AP2B1: variants seen among roughly 807,000 people sequenced by gnomAD.
The protein encoded by AP2B1 is AP-2 complex subunit beta.
In AP2B1, 23 loss-of-function variants were observed where a neutral mutation model predicts 102.0. The ratio of observed to expected loss-of-function variants is 0.23; its 90% CI spans 0.16 to 0.32. The LOEUF is 0.32. Among genes scored for constraint, AP2B1 ranks in the 10% least tolerant of loss-of-function variants. AP2B1 has a pLI of 1.00. For missense variants in AP2B1, 541 were observed against 1,157.4 expected, an observed-to-expected ratio of 0.47 and a Z score of 7.73; for synonymous variants, 381 against 421.2, an observed-to-expected ratio of 0.90 and a Z score of 1.17.
At chr17:35,610,348 A>G (rs2073821285) in intron 5 of AP2B1, among the ~76,000 whole-genome samples, 1 of 151,756 alleles carries the variant, frequency 6.6e-6, no homozygotes, top group Non-Finnish European at 1.5e-5. Flanking sequence ...ACGTTGCACC[A>G]TGTTGGCCAG....
chr17:35,689,887 C>T (rs1046921365), intron 18 of AP2B1, among the ~76,000 whole-genome samples: 1 of 152,054 alleles, frequency 6.6e-6, no homozygotes, highest in African/African-American at 2.4e-5. Flanking sequence ...TTTCTTTTAC[C>T]TTTGGTTTTC....
At chr17:35,640,649 G>T (rs1267659365) in intron 11 of AP2B1, among the ~76,000 whole-genome samples, 2 of 152,160 alleles carry the variant, frequency 1.3e-5, no homozygotes, top group African/African-American at 4.8e-5. Context: ...ATGTTGCTGG[G>T]CTTCACCCTG....
intron 17 of AP2B1, among the ~76,000 whole-genome samples, chr17:35,675,962 GGAT>G (rs777086699): frequency 2.6e-5 from 4 of 152,088 alleles, no homozygotes; most frequent in African/African-American, 4.8e-5. Context: ...CATTGCAATT[GGAT>G]GATAAGTGCC....
At position 35,624,382 on chromosome 17, in the gene AP2B1, C is replaced by A. The variant is rs200199804; in HGVS notation, c.526-15C>A. 6.2e-7 allele frequency: 1 copy of A among 1,613,104 alleles called. No homozygotes were observed. On this transcript the variant is annotated splice_polypyrimidine_tract_variant and intron_variant, in intron 5 of 21. Coordinates refer to ENST00000610402, the MANE Select transcript of AP2B1 (RefSeq NM_001030006.2). ...TGTTCTTGGTGAATCAAGGTCATAC[C>A]CCCTTCTTTTCCAGGTGGTGGCTAA...
Position 35,679,422 on chromosome 17 carries a change from G to T in AP2B1, c.2325-3273G>T, listed in dbSNP as rs587746110. Among the ~76,000 whole-genome samples, 25 of 148,396 alleles carry T rather than the reference G, an allele frequency of 1.7e-4. No homozygotes were observed. In the South Asian group the frequency reaches 5.3e-3, roughly 31 times the overall value. On this transcript the variant is annotated intron_variant, in intron 17 of 21. Coordinates refer to ENST00000610402, the MANE Select transcript of AP2B1 (RefSeq NM_001030006.2). ...TTTTTTTTTCCAGCCTTATTCATAT[G>T]CTGCTCCTGTTTGATCTTGGTCTAC...
At chr17:35,648,743 A>AGTGT (rs10668040) in intron 12 of AP2B1, among the ~76,000 whole-genome samples, 22,634 of 148,514 alleles carry the variant, frequency 0.15, 1,784 homozygotes, top group Non-Finnish European at 0.19. Context: ...ATATGAAATA[A>AGTGT]GTGTGTGTGT....
chr17:35,690,980 A>G (rs1051690641), intron 18 of AP2B1, among the ~76,000 whole-genome samples: 12 of 152,126 alleles, frequency 7.9e-5, no homozygotes, highest in African/African-American at 1.7e-4. Flanking sequence ...ACCCTTTCCC[A>G]TATATAGTTT....
At position 35,587,431 on chromosome 17, in the gene AP2B1, G is replaced by C. The variant is rs955891171; in HGVS notation, c.-24+3G>C. 6 of 153,068 alleles carry C rather than the reference G, an allele frequency of 3.9e-5. No individual in the cohort carries two copies. The highest frequency in any genetic ancestry group is 1.4e-4 in the African/African-American group (6 of 41,480). 9.5% of individuals were successfully genotyped at this position (153,068 alleles called of 1,614,324 possible). A position where few individuals can be genotyped will look rare whatever the true frequency, so the allele number is the denominator to read the frequency against. On this transcript the variant is annotated splice_donor_region_variant and intron_variant, in intron 1 of 21. Transcript: ENST00000610402. ...CCTCGCCTTCGCCTCCGCCTCCGGTGAGTTCAGGGCGGTTGCCTTTAGGGT... is the reference window on the plus strand; with the variant it reads ...CCTCGCCTTCGCCTCCGCCTCCGGTCAGTTCAGGGCGGTTGCCTTTAGGGT...
chr17:35,694,539 G>A (rs1014527345), intron 18 of AP2B1, among the ~76,000 whole-genome samples: 2 of 151,710 alleles, frequency 1.3e-5, no homozygotes, highest in Non-Finnish European at 2.9e-5. Flanking sequence ...GGGATTACAG[G>A]CATGAGCCAC....
intron 13 of AP2B1, among the ~76,000 whole-genome samples, chr17:35,657,087 A>G (rs2075248236): frequency 6.6e-6 from 1 of 152,176 alleles, no homozygotes; most frequent in East Asian, 1.9e-4. Context: ...GTAGTTCCTC[A>G]TAAAACCATT....
Position 35,700,331 on chromosome 17 carries a change from C to G in AP2B1, c.2455-8893C>G, listed in dbSNP as rs116758600. 5.0e-3 allele frequency among the ~76,000 whole-genome samples: 763 copies of G among 152,032 alleles called. 8 individuals are homozygous for G. The highest frequency in any genetic ancestry group is 0.018 in the African/African-American group (729 of 41,472). ...AGGTTGTGTGGTACTTAAAACACAT[C>G]TGAATCATCATTCCTCAGAGAACTG... On this transcript the variant is annotated intron_variant, in intron 18 of 21. Coordinates refer to ENST00000610402, the MANE Select transcript of AP2B1 (RefSeq NM_001030006.2).
chr17:35,649,993 A>T (rs778497775), intron 12 of AP2B1, among the ~76,000 whole-genome samples: 1 of 152,120 alleles, frequency 6.6e-6, no homozygotes, highest in African/African-American at 2.4e-5. Flanking sequence ...TCTGTTGCCC[A>T]GGCTGGAGTG....
chr17:35,659,732 T>G, intron 14 of AP2B1: 1 of 874,322 alleles, frequency 1.1e-6, no homozygotes, highest in African/African-American at 1.8e-5. Context: ...TTCCTGACTT[T>G]GGGATCTAAA....
Position 35,594,093 on chromosome 17 carries a change from T to A in AP2B1, c.37+26T>A. 5 of 1,538,310 alleles carry A rather than the reference T, an allele frequency of 3.3e-6. No individual in the cohort carries two copies. In the South Asian group the frequency reaches 4.8e-5, roughly 15 times the overall value. On this transcript the variant is annotated intron_variant, in intron 2 of 21. Coordinates refer to ENST00000610402, the MANE Select transcript of AP2B1 (RefSeq NM_001030006.2). ...GTAAGTATGAGAATACAATCAAATC[T>A]TTTGAAATTTTCAAAAGTTGTAGTG...
chr17:35,700,928 G>A (rs1001692429), intron 18 of AP2B1, among the ~76,000 whole-genome samples: 4 of 152,132 alleles, frequency 2.6e-5, no homozygotes, highest in Non-Finnish European at 4.4e-5. Flanking sequence ...TCCCTAAAAA[G>A]CAAGTTAATA....
chr17:35,610,605 T>A (rs978265771), intron 5 of AP2B1, among the ~76,000 whole-genome samples: 5 of 151,462 alleles, frequency 3.3e-5, no homozygotes, highest in African/African-American at 9.7e-5. Context: ...TCTACAAAAA[T>A]TTTTTTAAAA....
chr17:35,597,828 C>G (rs225296), intron 2 of AP2B1, among the ~76,000 whole-genome samples: 128,583 of 152,236 alleles, frequency 0.84, 54,469 homozygotes, highest in East Asian at 0.97. Flanking sequence ...TCTGTAAAGC[C>G]GAGCGTGGGT....
chr17:35,648,708 GTATA>G (rs986098237), intron 12 of AP2B1, among the ~76,000 whole-genome samples: 13 of 151,096 alleles, frequency 8.6e-5, no homozygotes, highest in Non-Finnish European at 1.8e-4. Context: ...CTTCAGAACA[GTATA>G]TATAATATGA....
In AP2B1 at chr17:35,717,222, A is replaced by G; in HGVS notation, c.2654A>G (p.Asn885Ser). Residue 885 changes from asparagine (N) to serine (S), a missense_variant, in exon 21 of 22, where the codon AAC becomes AGC. This residue lies in a region of AP2B1 where 117 missense variants were observed against 206.7 expected (regional missense o/e 0.57). Coordinates refer to ENST00000610402, the MANE Select transcript of AP2B1 (RefSeq NM_001030006.2). ...ADTVSSKLQNNNVYTIAKRNV... is the reference protein window; with the variant it reads ...ADTVSSKLQNSNVYTIAKRNV... ...ACTGTTTCCAGCAAGTTGCAAAACA[A>G]CAATGTTTATACTATTGCCAAGAGG... is the stretch of plus-strand genomic sequence containing the variant. 1.2e-6 allele frequency: 2 copies of G among 1,614,070 alleles called. No individual in the cohort carries two copies. The highest frequency in any genetic ancestry group is 1.7e-5 in the Admixed American group (1 of 60,014).
Sources: allele counts gnomAD v4.1 joint callset (sites outside exome capture counted in the v4.1 genomes callset), GRCh38; gene constraint gnomAD v4.1.1; regional missense constraint gnomAD v4.1.1; transcripts MANE v1.5; gene names NCBI Gene and HGNC (gene_info 2026-07-23, HGNC 2026-07-21).